PACSIN2: variants seen among roughly 807,000 people sequenced by gnomAD.
The protein encoded by PACSIN2 is protein kinase C and casein kinase substrate in neurons 2, also known as protein kinase C and casein kinase substrate in neurons protein 2.
PACSIN2 carries 25 observed loss-of-function variants against 63.8 expected under a neutral mutation model. That is an observed-to-expected ratio of 0.39 (90% CI 0.29 to 0.55). The LOEUF (loss-of-function observed/expected upper bound fraction) is 0.55, where lower values mean the gene tolerates loss of function less well. Ranked by LOEUF, PACSIN2 falls within the 20% of genes least tolerant of loss-of-function variation. The pLI is 0.62. For synonymous variants in PACSIN2, 255 were observed against 256.2 expected (o/e 1.00, Z 0.05); for missense variants, 518 against 646.9 (o/e 0.80, Z 2.16).
At chr22:42,904,426 G>A (rs1930920698) in intron 2 of PACSIN2, among the ~76,000 whole-genome samples, 1 of 152,204 alleles carries the variant, frequency 6.6e-6, no homozygotes, top group African/African-American at 2.4e-5. Flanking sequence ...TCACTCCTCA[G>A]GGAGGCGCCC....
At chr22:42,937,305 C>G (rs909821154) in intron 1 of PACSIN2, among the ~76,000 whole-genome samples, 1 of 152,102 alleles carries the variant, frequency 6.6e-6, no homozygotes, top group African/African-American at 2.4e-5. Flanking sequence ...ACAGGCAGCC[C>G]CAGCAAAAGG....
intron 1 of PACSIN2, among the ~76,000 whole-genome samples, chr22:42,980,430 C>T (rs182968645): frequency 2.6e-5 from 4 of 151,592 alleles, no homozygotes; most frequent in East Asian, 3.9e-4. Flanking sequence ...CCAGCCTGGG[C>T]GACAGAGAGA....
At chr22:42,977,556 C>T (rs921414775) in intron 1 of PACSIN2, among the ~76,000 whole-genome samples, 3 of 152,128 alleles carry the variant, frequency 2.0e-5, no homozygotes, top group African/African-American at 7.2e-5. Flanking sequence ...TTAGCAAAAA[C>T]AATACAACAT....
intron 1 of PACSIN2, among the ~76,000 whole-genome samples, chr22:43,004,612 G>A (rs1441304352): frequency 3.9e-5 from 6 of 152,158 alleles, no homozygotes; most frequent in South Asian, 2.1e-4. Flanking sequence ...TGGCACGCTC[G>A]GTTGGCGACA....
intron 7 of PACSIN2, among the ~76,000 whole-genome samples, chr22:42,880,145 C>T (rs953305870): frequency 5.3e-5 from 8 of 152,186 alleles, no homozygotes; most frequent in Admixed American, 4.6e-4. Context: ...GCTGAGTCCA[C>T]GGCTCTGCTC....
At chr22:43,010,400 T>TATA (rs1569377806) in intron 1 of PACSIN2, among the ~76,000 whole-genome samples, 1 of 44,034 alleles carries the variant, frequency 2.3e-5, no homozygotes, top group African/African-American at 9.2e-5. Context: ...ATATATATAT[T>TATA]TTTTTTTAAT....
intron 7 of PACSIN2, 35 bp from the exon 8 acceptor site, chr22:42,879,204 G>GT: frequency 6.2e-7 from 1 of 1,602,254 alleles, no homozygotes; most frequent in Non-Finnish European, 8.5e-7. Context: ...GAAACCAAAG[G>GT]TTCACTACTT....
chr22:42,924,034 C>T (rs1235796484), intron 1 of PACSIN2, among the ~76,000 whole-genome samples: 2 of 150,652 alleles, frequency 1.3e-5, no homozygotes, highest in South Asian at 2.1e-4. Flanking sequence ...AAAGCGAGAC[C>T]TGGTCTCTTT....
intron 1 of PACSIN2, among the ~76,000 whole-genome samples, chr22:43,007,213 C>CT (rs776252524): frequency 1.7e-4 from 25 of 150,678 alleles, no homozygotes; most frequent in Non-Finnish European, 3.2e-4. Flanking sequence ...ACACACACCT[C>CT]TTGTTCTTTT....
At chr22:42,948,114 G>A (rs1379847958) in intron 1 of PACSIN2, among the ~76,000 whole-genome samples, 1 of 152,204 alleles carries the variant, frequency 6.6e-6, no homozygotes, top group African/African-American at 2.4e-5. Flanking sequence ...GGCATCCCAG[G>A]TAGAGGAACC....
At chr22:42,882,091 TAG>T in intron 7 of PACSIN2, 91 bp downstream of exon 7, 1 of 1,428,604 alleles carries the variant, frequency 7.0e-7, no homozygotes, top group East Asian at 2.3e-5. Context: ...AACACTAACA[TAG>T]AGTCTAGAAT....
chr22:42,987,706 T>C (rs764709037), intron 1 of PACSIN2, among the ~76,000 whole-genome samples: 1 of 151,682 alleles, frequency 6.6e-6, no homozygotes, highest in Non-Finnish European at 1.5e-5. Flanking sequence ...TAATTTTTTG[T>C]ATTTTTAGTA....
chr22:43,001,570 G>A (rs1161938227), intron 1 of PACSIN2, among the ~76,000 whole-genome samples: 1 of 152,248 alleles, frequency 6.6e-6, no homozygotes, highest in African/African-American at 2.4e-5. Context: ...GCCCTGAAGT[G>A]TGGGCACAAA....
intron 9 of PACSIN2, among the ~76,000 whole-genome samples, 186 bp downstream of exon 9, chr22:42,876,702 G>A (rs544690566): frequency 3.9e-5 from 6 of 152,362 alleles, no homozygotes; most frequent in African/African-American, 7.2e-5. Flanking sequence ...CCTCCCCGAG[G>A]AATGGGGGTG....
chr22:42,872,035 C>T (rs1282122684), intron 10 of PACSIN2, among the ~76,000 whole-genome samples: 2 of 152,256 alleles, frequency 1.3e-5, no homozygotes, highest in Non-Finnish European at 2.9e-5. Flanking sequence ...CTTCCTGAGA[C>T]CCTGAGAAGG....
chr22:42,952,565 G>C (rs1329176449), intron 1 of PACSIN2, among the ~76,000 whole-genome samples: 1 of 151,606 alleles, frequency 6.6e-6, no homozygotes, highest in Admixed American at 6.6e-5. Context: ...TTTCACATTG[G>C]CCAGGATGGT....
intron 2 of PACSIN2, among the ~76,000 whole-genome samples, chr22:42,903,692 C>T (rs1426642573): frequency 6.6e-6 from 1 of 152,168 alleles, no homozygotes. Flanking sequence ...TCGCCATCTG[C>T]AAATGAGGTG....
intron 2 of PACSIN2, among the ~76,000 whole-genome samples, chr22:42,899,481 G>A (rs1002905331): frequency 1.3e-5 from 2 of 152,170 alleles, no homozygotes. Context: ...AGAGGGATGT[G>A]CCTGAGAACA....
chr22:42,891,077 T>C lies in PACSIN2; in HGVS notation c.323A>G (p.Asp108Gly). 1 of 1,614,178 alleles carries C rather than the reference T, an allele frequency of 6.2e-7. No homozygotes were observed. The highest frequency in any genetic ancestry group is 8.5e-7 in the Non-Finnish European group (1 of 1,180,028). The change falls in exon 4 of 11, where the codon GAC becomes GGC. Residue 108 changes from aspartate (D) to glycine (G), a missense_variant. This residue lies in a region of PACSIN2 where 507 missense variants were observed against 612.3 expected (regional missense o/e 0.83). Transcript: ENST00000263246. The part of the protein sequence containing the change: ...LEVKASLMND[D>G]FEKIKNWQKE... ...CTGCCAGTTCTTGATCTTCTCGAAG[T>C]CATCGTTCATCAGTGAGGCCTTCAC...
Sources: gnomAD v4.1 joint callset for allele counts (sites outside exome capture counted in the v4.1 genomes callset) on GRCh38, gnomAD v4.1.1 for gene constraint, gnomAD v4.1.1 regional missense constraint, MANE v1.5 for transcripts, NCBI Gene and HGNC (gene_info 2026-07-23, HGNC 2026-07-21) for gene names.